SLIT3: variants seen among roughly 807,000 people sequenced by gnomAD.
The protein encoded by SLIT3 is slit homolog 3 protein.
In SLIT3, 68 loss-of-function variants were observed where a neutral mutation model predicts 184.0. The ratio of observed to expected loss-of-function variants is 0.37; its 90% CI spans 0.30 to 0.45. The LOEUF (loss-of-function observed/expected upper bound fraction) is 0.45, where lower values mean the gene tolerates loss of function less well. Ranked by LOEUF, SLIT3 falls within the 20% of genes least tolerant of loss-of-function variation. The pLI is 1.00. For synonymous variants in SLIT3, 831 were observed against 828.6 expected, an observed-to-expected ratio of 1.00 and a Z score of -0.05; for missense variants, 1,707 against 2,026.0, an observed-to-expected ratio of 0.84 and a Z score of 3.02.
intron 4 of SLIT3, among the ~76,000 whole-genome samples, chr5:169,022,487 A>C (rs1038935108): frequency 3.9e-5 from 6 of 152,208 alleles, no homozygotes; most frequent in African/African-American, 1.4e-4. Flanking sequence ...ATCAGTGAGA[A>C]ACTGTTACAA....
intron 3 of SLIT3, among the ~76,000 whole-genome samples, chr5:169,243,168 G>A (rs79364216): frequency 0.047 from 7,102 of 152,206 alleles, 186 homozygotes; most frequent in Admixed American, 0.057. Flanking sequence ...TTCCTGGCAT[G>A]TCCAAGGTAC....
chr5:168,930,160 G>C (rs1343249834), intron 4 of SLIT3, among the ~76,000 whole-genome samples: 1 of 152,126 alleles, frequency 6.6e-6, no homozygotes, highest in Non-Finnish European at 1.5e-5. Flanking sequence ...CGGGGAGTGA[G>C]GACTGGGAAT....
intron 26 of SLIT3, among the ~76,000 whole-genome samples, chr5:168,704,053 G>A (rs1485882113): frequency 4.0e-5 from 6 of 150,520 alleles, no homozygotes; most frequent in Admixed American, 6.6e-5. Context: ...TTCTCAAAGC[G>A]TGCTCCTTGG....
rs1417116623 is a variant in SLIT3 at position 169,163,129 on chromosome 5, C to T, written c.413+30350G>A. ...TGAGGTCAGGTGTTCGAGACCAGCC[C>T]GGCCAACATAGTGAAACCCCGCCTC... On this transcript the variant is annotated intron_variant, in intron 4 of 35. Coordinates refer to ENST00000519560, the MANE Select transcript of SLIT3 (RefSeq NM_003062.4). Among the ~76,000 whole-genome samples, 10 of 151,858 alleles carry T rather than the reference C, an allele frequency of 6.6e-5. No homozygotes were observed. In the East Asian group the frequency reaches 1.7e-3, roughly 27 times the overall value.
chr5:169,200,745 G>T (rs1763883676), intron 3 of SLIT3, among the ~76,000 whole-genome samples: 1 of 152,206 alleles, frequency 6.6e-6, no homozygotes, highest in African/African-American at 2.4e-5. Flanking sequence ...TGTAGTCACT[G>T]AAGGCCTCTT....
At chr5:169,256,264 A>T (rs1277102384) in intron 1 of SLIT3, among the ~76,000 whole-genome samples, 2 of 152,206 alleles carry the variant, frequency 1.3e-5, no homozygotes, top group Non-Finnish European at 2.9e-5. Context: ...GGACTGGGCA[A>T]CATAGCAAGA....
At chr5:168,950,283 G>A (rs1029320380) in intron 4 of SLIT3, among the ~76,000 whole-genome samples, 36 of 152,274 alleles carry the variant, frequency 2.4e-4, no homozygotes, top group South Asian at 6.2e-4. Context: ...CACCAAATCC[G>A]CTGGAGCTTT....
At chr5:168,969,057 G>A (rs774033219) in intron 4 of SLIT3, among the ~76,000 whole-genome samples, 23 of 151,978 alleles carry the variant, frequency 1.5e-4, no homozygotes, top group Non-Finnish European at 2.5e-4. Flanking sequence ...TTTTTCCCCC[G>A]CAAGATACAC....
rs10043046 is a variant in SLIT3 at position 168,707,666 on chromosome 5, T to C, written c.2844+310A>G. The C allele has an allele frequency of 5.3e-3, 1,431 of 269,536 alleles. 17 individuals carry two copies. Among genetic ancestry groups the C allele is most frequent in the African/African-American group, 0.028 (1,296 of 45,652 alleles). 16.7% of individuals were successfully genotyped at this position (269,536 alleles called of 1,614,324 possible). A position where few individuals can be genotyped will look rare whatever the true frequency, so the allele number is the denominator to read the frequency against. ...AGTGGGCTCAAGGGATGCCTCTACT[T>C]GGAAACACTTTTTCTCTGAGACTTA... On this transcript the variant is annotated intron_variant, in intron 26 of 35. Transcript: ENST00000519560.
chr5:169,134,871 G>T (rs1399785297), intron 4 of SLIT3, among the ~76,000 whole-genome samples: 1 of 152,158 alleles, frequency 6.6e-6, no homozygotes, highest in African/African-American at 2.4e-5. Flanking sequence ...GTAGGTTTTT[G>T]TTATGTTTTA....
At chr5:169,257,533 CTTTTTTTTTTTTTT>C (rs1157258489) in intron 1 of SLIT3, among the ~76,000 whole-genome samples, 2 of 80,908 alleles carry the variant, frequency 2.5e-5, no homozygotes, top group South Asian at 4.4e-4. Context: ...TCTATGCCTC[CTTTTTTTTTTTTTT>C]TTTTTTTTTT....
chr5:169,015,931 AACACACACACACACACACACAC>A lies in SLIT3; in HGVS notation c.414-132617_414-132596del, dbSNP rs3138760. Among the ~76,000 whole-genome samples the A allele has an allele frequency of 6.1e-3, 729 of 120,390 alleles. 10 individuals are homozygous for A. The highest frequency in any genetic ancestry group is 0.022 in the African/African-American group (704 of 32,618). The allele number at this position is 120,390 out of a possible 152,430, so 79.0% of individuals were successfully genotyped here. On this transcript the variant is annotated intron_variant, in intron 4 of 35. Coordinates refer to ENST00000519560, the MANE Select transcript of SLIT3 (RefSeq NM_003062.4). ...TGAGATTCTGACTCAGAAAAATATAAACACACACACACACACACACACACACACACACACACACACACACACA... is the reference window on the plus strand; with the variant it reads ...TGAGATTCTGACTCAGAAAAATATAAACACACACACACACACACACACACA...
intron 4 of SLIT3, among the ~76,000 whole-genome samples, chr5:168,996,992 T>C (rs1755534703): frequency 6.6e-6 from 1 of 152,118 alleles, no homozygotes; most frequent in Non-Finnish European, 1.5e-5. Context: ...TGTGAGTGGG[T>C]CATCCTCACA....
At chr5:168,907,979 T>TATATAGAGAG (rs376418381) in intron 4 of SLIT3, among the ~76,000 whole-genome samples, 1 of 50,086 alleles carries the variant, frequency 2.0e-5, no homozygotes, top group African/African-American at 1.3e-4. Context: ...TATATATATA[T>TATATAGAGAG]AGAGAGAGAG....
chr5:168,756,629 C>T (rs758141642), intron 16 of SLIT3, among the ~76,000 whole-genome samples: 1 of 152,142 alleles, frequency 6.6e-6, no homozygotes, highest in Admixed American at 6.5e-5. Context: ...ATCCTGGTAG[C>T]CCTGGTCTGG....
At chr5:169,079,514 AGGAGAG>A (rs1207897586) in intron 4 of SLIT3, among the ~76,000 whole-genome samples, 3 of 92,576 alleles carry the variant, frequency 3.2e-5, no homozygotes, top group Non-Finnish European at 6.2e-5. Context: ...AGGAGGAAGG[AGGAGAG>A]GGAGGAGGAA....
chr5:168,965,702 T>C (rs1763161934), intron 4 of SLIT3, among the ~76,000 whole-genome samples: 1 of 152,226 alleles, frequency 6.6e-6, no homozygotes, highest in Non-Finnish European at 1.5e-5. Context: ...CTATCGCTTA[T>C]CAGCAATGAC....
At chr5:168,870,835 C>G (rs967200596) in intron 5 of SLIT3, among the ~76,000 whole-genome samples, 2 of 152,120 alleles carry the variant, frequency 1.3e-5, no homozygotes, top group East Asian at 1.9e-4. Context: ...CTTGAAGCAC[C>G]AGAGTTTCTC....
At chr5:168,949,284 G>A (rs1319852709) in intron 4 of SLIT3, among the ~76,000 whole-genome samples, 1 of 152,154 alleles carries the variant, frequency 6.6e-6, no homozygotes, top group Admixed American at 6.5e-5. Context: ...TGCAGTCATG[G>A]GGACCGTTCA....
Sources: gnomAD v4.1 joint callset for allele counts (sites outside exome capture counted in the v4.1 genomes callset) on GRCh38, gnomAD v4.1.1 for gene constraint, MANE v1.5 for transcripts, NCBI Gene and HGNC (gene_info 2026-07-23, HGNC 2026-07-21) for gene names.